The following CDK19 variants were observed in gnomAD, a reference collection of about 807,000 sequenced individuals.
CDK19 encodes the protein cyclin-dependent kinase 19.
CDK19 carries 20 observed loss-of-function variants against 68.3 expected under a neutral mutation model. The observed-to-expected ratio is 0.29, with a 90% CI of 0.21 to 0.43. The LOEUF (loss-of-function observed/expected upper bound fraction) is 0.43. Ranked by LOEUF, CDK19 falls within the 20% of genes least tolerant of loss-of-function variation. CDK19 has a pLI of 1.00. For synonymous variants in CDK19, 221 were observed against 222.8 expected, an observed-to-expected ratio of 0.99 and a Z score of 0.07; for missense variants, 339 against 623.5, an observed-to-expected ratio of 0.54 and a Z score of 4.86.
At chr6:110,811,223 C>G (rs980637475) in intron 1 of CDK19, among the ~76,000 whole-genome samples, 2 of 152,210 alleles carry the variant, frequency 1.3e-5, no homozygotes, top group Non-Finnish European at 2.9e-5. Flanking sequence ...AATAATCTAA[C>G]TACAAACCGA....
intron 12 of CDK19, among the ~76,000 whole-genome samples, chr6:110,618,447 G>T (rs76273401): frequency 6.6e-6 from 1 of 152,122 alleles, no homozygotes; most frequent in South Asian, 2.1e-4. Context: ...TCTCTCTTGC[G>T]TATACCCACA....
intron 1 of CDK19, among the ~76,000 whole-genome samples, chr6:110,799,368 T>C (rs1782188936): frequency 6.6e-6 from 1 of 152,016 alleles, no homozygotes; most frequent in Non-Finnish European, 1.5e-5. Context: ...CAGTATGGTG[T>C]GGGGAGGAGT....
intron 1 of CDK19, among the ~76,000 whole-genome samples, chr6:110,782,112 G>A (rs1370726068): frequency 6.6e-6 from 1 of 152,178 alleles, no homozygotes; most frequent in Non-Finnish European, 1.5e-5. Context: ...GCTTTTATCT[G>A]TCCAAACAAA....
chr6:110,670,955 G>A (rs185947464), intron 2 of CDK19, among the ~76,000 whole-genome samples: 87 of 152,250 alleles, frequency 5.7e-4, no homozygotes, highest in Non-Finnish European at 8.8e-4. Context: ...CAGGACTCAT[G>A]TATTAATACT....
At position 110,756,338 on chromosome 6, in the gene CDK19, C is replaced by T. The variant is rs142924305; in HGVS notation, c.129-10137G>A. On this transcript the variant is annotated intron_variant, in intron 1 of 12. Coordinates refer to ENST00000368911, the MANE Select transcript of CDK19 (RefSeq NM_015076.5). Reference sequence around the variant, plus strand: ...TCGGGAGGCAGAGGTTGCAATGAGCCGAGATTGCACCATTGTATTCCAGCC... The same window carrying T: ...TCGGGAGGCAGAGGTTGCAATGAGCTGAGATTGCACCATTGTATTCCAGCC... 4.6e-3 allele frequency among the ~76,000 whole-genome samples: 698 copies of T among 150,868 alleles called. 4 individuals carry two copies. The highest frequency in any genetic ancestry group is 0.034 in the Middle Eastern group (10 of 294).
intron 2 of CDK19, among the ~76,000 whole-genome samples, chr6:110,709,353 T>A (rs2114681209): frequency 6.6e-6 from 1 of 151,914 alleles, no homozygotes; most frequent in Non-Finnish European, 1.5e-5. Flanking sequence ...ATAACACCTA[T>A]CGAGGGGTGG....
intron 2 of CDK19, among the ~76,000 whole-genome samples, chr6:110,720,458 G>A (rs369944323): frequency 1.1e-3 from 172 of 152,272 alleles, no homozygotes; most frequent in Non-Finnish European, 2.0e-3. Context: ...ACTGTTTTAC[G>A]TCTCAATGGT....
At chr6:110,759,336 T>C (rs1284049315) in intron 1 of CDK19, among the ~76,000 whole-genome samples, 1 of 135,642 alleles carries the variant, frequency 7.4e-6, no homozygotes, top group Non-Finnish European at 1.5e-5. Context: ...ACCCAGGAGG[T>C]GGAGCGTGCA....
intron 1 of CDK19, among the ~76,000 whole-genome samples, chr6:110,772,942 G>A (rs535484017): frequency 6.6e-5 from 10 of 150,870 alleles, no homozygotes; most frequent in South Asian, 2.1e-4. Flanking sequence ...ATAGCAGGGC[G>A]TGGTGGCCAA....
chr6:110,706,406 T>TC lies in CDK19; in HGVS notation c.205-35866_205-35865insG, dbSNP rs1204694417. 2.7e-5 allele frequency: 2 copies of TC among 75,470 alleles called. 1 individual carries two copies. Among genetic ancestry groups the TC allele is most frequent in the African/African-American group, 8.5e-5 (2 of 23,604 alleles). The allele number at this position is 75,470 out of a possible 1,614,324, so 4.7% of individuals were successfully genotyped here. ...ACAGCATGCTGGGTAACACTGTTGT[T>TC]TTTTTTTTGTTTGTTTTTTTTTTTT... On this transcript the variant is annotated intron_variant, in intron 2 of 12. Coordinates refer to ENST00000368911, the MANE Select transcript of CDK19 (RefSeq NM_015076.5).
intron 1 of CDK19, 75 bp downstream of exon 1, chr6:110,814,915 GCACGGCCCGACTGGGATCC>G (rs1562311416): frequency 6.5e-7 from 1 of 1,546,092 alleles, no homozygotes; most frequent in Non-Finnish European, 8.8e-7. Context: ...CGCCCCTCGG[GCACGGCCCGACTGGGATCC>G]GACCCACCCA....
intron 12 of CDK19, among the ~76,000 whole-genome samples, chr6:110,615,738 T>C (rs1198787728): frequency 6.6e-6 from 1 of 152,152 alleles, no homozygotes; most frequent in Non-Finnish European, 1.5e-5. Context: ...GCCACAAGTT[T>C]AGGATTATGA....
chr6:110,649,141 C>A (rs1780811038), intron 4 of CDK19, among the ~76,000 whole-genome samples: 1 of 151,914 alleles, frequency 6.6e-6, no homozygotes. Context: ...CATTTACAGT[C>A]ATTTCCATCA....
chr6:110,810,028 G>A (rs1352838928), intron 1 of CDK19, among the ~76,000 whole-genome samples: 2 of 152,094 alleles, frequency 1.3e-5, no homozygotes, highest in Non-Finnish European at 2.9e-5. Context: ...AGGGAAGAAT[G>A]GCACAGCAAC....
intron 2 of CDK19, among the ~76,000 whole-genome samples, chr6:110,673,495 T>A (rs560892891): frequency 6.6e-6 from 1 of 152,182 alleles, no homozygotes; most frequent in African/African-American, 2.4e-5. Context: ...ATGGTAACTC[T>A]ATGTTTAATT....
chr6:110,668,913 T>C (rs542039824), intron 3 of CDK19, among the ~76,000 whole-genome samples: 27 of 152,160 alleles, frequency 1.8e-4, no homozygotes, highest in Non-Finnish European at 5.9e-5. Context: ...ATATTACAAA[T>C]ACTATCTTCT....
chr6:110,665,247 G>C (rs1323504787), intron 4 of CDK19, among the ~76,000 whole-genome samples: 2 of 152,170 alleles, frequency 1.3e-5, no homozygotes, highest in Non-Finnish European at 2.9e-5. Context: ...ATAAAAGCCT[G>C]AACTAGGAAT....
chr6:110,692,215 A>G (rs1468728809), intron 2 of CDK19, among the ~76,000 whole-genome samples: 1 of 151,244 alleles, frequency 6.6e-6, no homozygotes, highest in Non-Finnish European at 1.5e-5. Context: ...AATCTCTTGA[A>G]CCCAGGAGGT....
intron 1 of CDK19, among the ~76,000 whole-genome samples, chr6:110,811,025 A>C (rs905910432): frequency 6.6e-6 from 1 of 152,120 alleles, no homozygotes; most frequent in Admixed American, 6.6e-5. Context: ...CTTGAGTTAG[A>C]TGTGGATTAC....
Sources: allele counts gnomAD v4.1 joint callset (sites outside exome capture counted in the v4.1 genomes callset), GRCh38; gene constraint gnomAD v4.1.1; transcripts MANE v1.5; gene names NCBI Gene and HGNC (gene_info 2026-07-23, HGNC 2026-07-21).